IQGAP2: variants seen among roughly 807,000 people sequenced by gnomAD.
IQGAP2 encodes the protein ras GTPase-activating-like protein IQGAP2.
Under a neutral mutation model 201.3 loss-of-function variants are expected in IQGAP2, and 173 were observed. That is an observed-to-expected ratio of 0.86 (90% confidence interval 0.76 to 0.98). The LOEUF (loss-of-function observed/expected upper bound fraction) is 0.98. Among genes scored for constraint, IQGAP2 ranks in the 50% least tolerant of loss-of-function variants. The pLI is 0.00. For missense variants in IQGAP2, 1,687 were observed against 1,864.8 expected (o/e 0.90, Z 1.76); for synonymous variants, 675 against 673.9 (o/e 1.00, Z -0.03).
chr5:76,591,161 A>G (rs1436588085), intron 8 of IQGAP2, among the ~76,000 whole-genome samples: 1 of 152,200 alleles, frequency 6.6e-6, no homozygotes, highest in African/African-American at 2.4e-5. Context: ...TCATGTTGCA[A>G]ACTTACTAAT....
intron 13 of IQGAP2, chr5:76,617,102 T>C (rs1296497132): frequency 1.3e-5 from 2 of 154,684 alleles, no homozygotes; most frequent in Non-Finnish European, 2.9e-5. Flanking sequence ...AGTTGTGATA[T>C]CTTTTCTCCT....
chr5:76,483,382 G>C lies in IQGAP2; in HGVS notation c.146+21713G>C, dbSNP rs112998647. Among the ~76,000 whole-genome samples the C allele has an allele frequency of 6.0e-3, 920 of 152,258 alleles. 7 individuals carry two copies. The highest frequency in any genetic ancestry group is 0.021 in the African/African-American group (880 of 41,546). On this transcript the variant is annotated intron_variant, in intron 2 of 35. Coordinates refer to ENST00000274364, the MANE Select transcript of IQGAP2 (RefSeq NM_006633.5). ...CATGTGGTTAATTATACATTTACAA[G>C]GTAAAGAAAGCATCCATCAAGGAAA...
At chr5:76,422,341 G>A (rs1751773055) in intron 1 of IQGAP2, among the ~76,000 whole-genome samples, 1 of 152,192 alleles carries the variant, frequency 6.6e-6, no homozygotes, top group African/African-American at 2.4e-5. Context: ...TGTGTTCCGA[G>A]GAGTCTGACT....
intron 2 of IQGAP2, among the ~76,000 whole-genome samples, chr5:76,546,666 T>A (rs2150227080): frequency 6.6e-6 from 1 of 152,298 alleles, no homozygotes; most frequent in Middle Eastern, 3.4e-3. Context: ...CAGCAGCCCT[T>A]CTGCTCTCTG....
intron 13 of IQGAP2, among the ~76,000 whole-genome samples, chr5:76,614,099 TG>T (rs2150347635): frequency 6.6e-6 from 1 of 152,282 alleles, no homozygotes; most frequent in East Asian, 1.9e-4. Context: ...CACAGCCACA[TG>T]GGGGTTTGTC....
chr5:76,431,235 C>T (rs979863401), intron 1 of IQGAP2, among the ~76,000 whole-genome samples: 15 of 151,736 alleles, frequency 9.9e-5, no homozygotes, highest in African/African-American at 2.9e-4. Flanking sequence ...AGATGTATTA[C>T]GTTTTCCTAT....
chr5:76,530,582 CAAAAGAAATTGTGTTATGT>C (rs1759235627), intron 2 of IQGAP2, among the ~76,000 whole-genome samples: 2 of 152,312 alleles, frequency 1.3e-5, no homozygotes, highest in Middle Eastern at 3.4e-3. Flanking sequence ...TCTCCTGTTT[CAAAAGAAATTGTGTTATGT>C]ACATAAATAT....
intron 1 of IQGAP2, among the ~76,000 whole-genome samples, chr5:76,447,468 C>G (rs1282346783): frequency 6.6e-6 from 1 of 152,116 alleles, no homozygotes; most frequent in East Asian, 1.9e-4. Context: ...TCTATTAAAT[C>G]TTGTAACTGC....
intron 2 of IQGAP2, among the ~76,000 whole-genome samples, chr5:76,511,820 A>G (rs1398158948): frequency 6.6e-6 from 1 of 151,322 alleles, no homozygotes. Context: ...AGCTGGGACT[A>G]CAGGCGCCCG....
chr5:76,634,835 C>T (rs2150390762), intron 15 of IQGAP2, among the ~76,000 whole-genome samples: 1 of 152,318 alleles, frequency 6.6e-6, no homozygotes, highest in African/African-American at 2.4e-5. Context: ...GTCTGCAAGG[C>T]ATCTAAAAAG....
At chr5:76,477,493 G>A (rs1755509718) in intron 2 of IQGAP2, among the ~76,000 whole-genome samples, 1 of 152,200 alleles carries the variant, frequency 6.6e-6, no homozygotes, top group Non-Finnish European at 1.5e-5. Flanking sequence ...TTACTCACGT[G>A]TTTGTGGTGA....
intron 1 of IQGAP2, among the ~76,000 whole-genome samples, chr5:76,413,472 G>C (rs879679398): frequency 6.6e-6 from 1 of 152,150 alleles, no homozygotes; most frequent in Non-Finnish European, 1.5e-5. Flanking sequence ...CCCAACTCTA[G>C]CCCTATTTTC....
At position 76,658,467 on chromosome 5, in the gene IQGAP2, G is replaced by C. The variant is rs1362897824; in HGVS notation, c.2329G>C (p.Glu777Gln). ...RDDYKTLVGS[E>Q]NPPLTVIRKF... is the part of the protein sequence containing the mutation. ...TGTTCCTGTCACTGCAGTTGGCTCT[G>C]AAAACCCACCATTAACAGTAATTCG... The change falls in exon 21 of 36, where the codon GAA becomes CAA. Residue 777 changes from glutamate (E) to glutamine (Q), a missense_variant. Physicochemically the swap from Glu to Gln is conservative, Grantham distance 29. Transcript: ENST00000274364. 1.2e-6 allele frequency: 2 copies of C among 1,613,562 alleles called. No homozygotes were observed. The highest frequency in any genetic ancestry group is 2.7e-5 in the African/African-American group (2 of 74,884).
chr5:76,468,877 G>GT lies in IQGAP2; in HGVS notation c.146+7209dup, dbSNP rs570899726. ...TCAGATTGCAGCTCACTTTTTCAGG[G>GT]TATCCTTCTCTGGCTTCCACATCCA... On this transcript the variant is annotated intron_variant, in intron 2 of 35. Coordinates refer to ENST00000274364, the MANE Select transcript of IQGAP2 (RefSeq NM_006633.5). Among the ~76,000 whole-genome samples, 9 of 152,176 alleles carry GT rather than the reference G, an allele frequency of 5.9e-5. No homozygotes were observed. In the South Asian group the frequency reaches 1.9e-3, roughly 32 times the overall value.
intron 14 of IQGAP2, among the ~76,000 whole-genome samples, chr5:76,629,341 A>G (rs965038723): frequency 6.6e-6 from 1 of 152,204 alleles, no homozygotes; most frequent in South Asian, 2.1e-4. Context: ...GTCACACACT[A>G]TAAGCATCAC....
intron 13 of IQGAP2, chr5:76,618,389 TAC>T: frequency 6.2e-7 from 1 of 1,614,200 alleles, no homozygotes; most frequent in Non-Finnish European, 8.5e-7. Flanking sequence ...GGACACCAAC[TAC>T]AAACACCAGG....
chr5:76,698,232 G>T lies in IQGAP2; in HGVS notation c.4367+85G>T, dbSNP rs570871121. On this transcript the variant is annotated intron_variant, in intron 33 of 35. Transcript: ENST00000274364. Reference sequence around the variant, plus strand: ...CTGTGTTTCTAGGCAGTTGGGTTGGGTATGGAAGAAAACTTTTTGCTCTGT... The same window carrying T: ...CTGTGTTTCTAGGCAGTTGGGTTGGTTATGGAAGAAAACTTTTTGCTCTGT... The T allele has an allele frequency of 2.5e-4, 263 of 1,056,546 alleles. No individual in the cohort carries two copies. In the Middle Eastern group the frequency reaches 5.9e-3, roughly 24 times the overall value. 65.4% of individuals were successfully genotyped at this position (1,056,546 alleles called of 1,614,324 possible).
chr5:76,662,633 A>G (rs1246732686), intron 21 of IQGAP2, among the ~76,000 whole-genome samples: 2 of 152,214 alleles, frequency 1.3e-5, no homozygotes, highest in African/African-American at 4.8e-5. Flanking sequence ...CAGCTATCTG[A>G]AGAGGAAAAA....
intron 1 of IQGAP2, among the ~76,000 whole-genome samples, chr5:76,433,137 C>A (rs1752469425): frequency 6.6e-6 from 1 of 152,160 alleles, no homozygotes; most frequent in Admixed American, 6.5e-5. Flanking sequence ...AGATACTTTT[C>A]TCTCACGTTT....
Sources: allele counts gnomAD v4.1 joint callset (sites outside exome capture counted in the v4.1 genomes callset), GRCh38; gene constraint gnomAD v4.1.1; transcripts MANE v1.5; gene names NCBI Gene and HGNC (gene_info 2026-07-23, HGNC 2026-07-21).